The following POLN variants were observed in gnomAD, a reference collection of about 807,000 sequenced individuals.
POLN encodes DNA polymerase nu.
Under a neutral mutation model 113.5 loss-of-function variants are expected in POLN, and 108 were observed. The observed-to-expected ratio is 0.95, with a 90% CI of 0.81 to 1.12. The LOEUF (loss-of-function observed/expected upper bound fraction) is 1.12. Ranked by LOEUF, POLN falls within the 50% of genes most tolerant of loss-of-function variation. The pLI is 0.00. For missense variants in POLN, 1,097 were observed against 1,077.1 expected, an observed-to-expected ratio of 1.02 and a Z score of -0.26; for synonymous variants, 386 against 391.5, an observed-to-expected ratio of 0.99 and a Z score of 0.17.
intron 11 of POLN, 69 bp downstream of exon 11, chr4:2,173,886 G>T: frequency 7.1e-7 from 1 of 1,416,526 alleles, no homozygotes; most frequent in Non-Finnish European, 1.0e-6. Flanking sequence ...CTCTAGACCT[G>T]CCACTGGGAA....
chr4:2,189,330 T>A (rs1733375285), intron 7 of POLN, among the ~76,000 whole-genome samples: 1 of 152,234 alleles, frequency 6.6e-6, no homozygotes, highest in African/African-American at 2.4e-5. Flanking sequence ...AATGCAAGAA[T>A]TAATATTGTT....
At chr4:2,100,595 G>A (rs558602800) in intron 19 of POLN, among the ~76,000 whole-genome samples, 2 of 152,158 alleles carry the variant, frequency 1.3e-5, no homozygotes, top group South Asian at 2.1e-4. Context: ...CGGGAGGACT[G>A]GGGGGTGAAT....
chr4:2,160,385 T>C (rs1258980123), intron 13 of POLN, among the ~76,000 whole-genome samples: 3 of 152,154 alleles, frequency 2.0e-5, no homozygotes, highest in African/African-American at 7.2e-5. Flanking sequence ...ATATCTTCTC[T>C]CCTTCTGTGG....
At chr4:2,153,806 G>T (rs144055892) in intron 16 of POLN, among the ~76,000 whole-genome samples, 3 of 151,798 alleles carry the variant, frequency 2.0e-5, no homozygotes, top group Admixed American at 1.3e-4. Context: ...GAATGTTCTC[G>T]ATCTCCTGAC....
At chr4:2,139,970 T>C (rs539684762) in intron 16 of POLN, 1 of 152,216 alleles carries the variant, frequency 6.6e-6, no homozygotes, top group South Asian at 2.1e-4. Context: ...AACTTACGAG[T>C]GGCTGGGGTT....
intron 20 of POLN, among the ~76,000 whole-genome samples, chr4:2,092,923 A>T (rs2108697939): frequency 6.6e-6 from 1 of 152,342 alleles, no homozygotes; most frequent in Non-Finnish European, 1.5e-5. Context: ...ACAGCAGTGG[A>T]TACACAGTAA....
At chr4:2,188,889 T>G (rs1330710153) in intron 7 of POLN, among the ~76,000 whole-genome samples, 1 of 152,154 alleles carries the variant, frequency 6.6e-6, no homozygotes, top group Non-Finnish European at 1.5e-5. Flanking sequence ...GGGGGTGGAA[T>G]TAAAGTGTAA....
chr4:2,233,347 T>C (rs1734649693), intron 2 of POLN, among the ~76,000 whole-genome samples: 1 of 152,180 alleles, frequency 6.6e-6, no homozygotes, highest in Admixed American at 6.5e-5. Context: ...GATACGGCAT[T>C]TTATATCACA....
At chr4:2,202,723 C>CAAA (rs34712930) in intron 5 of POLN, among the ~76,000 whole-genome samples, 51 of 36,728 alleles carry the variant, frequency 1.4e-3, no homozygotes, top group African/African-American at 2.3e-3. Flanking sequence ...GACTCTGTCT[C>CAAA]AAAAAAAAAA....
chr4:2,090,112 T>C (rs1301872820), intron 20 of POLN: 5 of 963,600 alleles, frequency 5.2e-6, no homozygotes, highest in African/African-American at 1.7e-5. Flanking sequence ...ATAATCCAAA[T>C]GATTTGCTAA....
intron 20 of POLN, among the ~76,000 whole-genome samples, chr4:2,088,346 G>A (rs568558172): frequency 1.3e-5 from 2 of 152,164 alleles, no homozygotes; most frequent in South Asian, 2.1e-4. Flanking sequence ...TCCAAGTGCT[G>A]GCATTTTCGT....
chr4:2,240,748 A>G, intron 2 of POLN: 1 of 1,613,988 alleles, frequency 6.2e-7, no homozygotes, highest in Non-Finnish European at 8.5e-7. Context: ...GGCTTGCCTG[A>G]TTTCTGAAGA....
chr4:2,189,142 A>C (rs548729742), intron 7 of POLN, among the ~76,000 whole-genome samples: 46 of 152,352 alleles, frequency 3.0e-4, no homozygotes, highest in Non-Finnish European at 5.4e-4. Flanking sequence ...CTTAACCACA[A>C]GTAACAAAAT....
At position 2,207,794 on chromosome 4, in the gene POLN, C is replaced by T. The variant is rs574863889; in HGVS notation, c.714+193G>A. On this transcript the variant is annotated intron_variant, in intron 5 of 25. Transcript: ENST00000511885. ...ACTGCTGGTGGAAGGTAAAATGGTACACCCACTCTGGAAAACAGTTTTACA... is the reference window on the plus strand; with the variant it reads ...ACTGCTGGTGGAAGGTAAAATGGTATACCCACTCTGGAAAACAGTTTTACA... 2.6e-5 allele frequency among the ~76,000 whole-genome samples: 4 copies of T among 152,330 alleles called. No individual in the cohort carries two copies. The East Asian group carries it at 7.7e-4, about 29-fold the overall frequency.
intron 7 of POLN, among the ~76,000 whole-genome samples, chr4:2,189,378 G>A (rs1733376732): frequency 1.3e-5 from 2 of 152,200 alleles, no homozygotes; most frequent in African/African-American, 4.8e-5. Context: ...AGTGGCTCAC[G>A]CCTGTAATCC....
At chr4:2,155,500 C>T (rs1298835538) in intron 16 of POLN, among the ~76,000 whole-genome samples, 1 of 152,174 alleles carries the variant, frequency 6.6e-6, no homozygotes, top group Non-Finnish European at 1.5e-5. Flanking sequence ...TGTCCCTCTG[C>T]CTGCATGCAC....
chr4:2,095,218 A>C (rs530107948), intron 20 of POLN, among the ~76,000 whole-genome samples: 9 of 152,252 alleles, frequency 5.9e-5, no homozygotes, highest in Non-Finnish European at 1.0e-4. Context: ...AGAGGAGCAG[A>C]AACAGGAAGG....
At chr4:2,080,291 A>G (rs1730374568) in intron 23 of POLN, 1 of 993,086 alleles carries the variant, frequency 1.0e-6, no homozygotes, top group Non-Finnish European at 1.2e-6. Flanking sequence ...ACTCTTGAGG[A>G]ATGTGCCCTG....
At chr4:2,135,092 T>C (rs760534403) in intron 16 of POLN, among the ~76,000 whole-genome samples, 3 of 152,192 alleles carry the variant, frequency 2.0e-5, no homozygotes, top group Non-Finnish European at 4.4e-5. Flanking sequence ...TTATTGTCTG[T>C]CATGACGTGT....
Sources: allele counts gnomAD v4.1 joint callset (sites outside exome capture counted in the v4.1 genomes callset), GRCh38; gene constraint gnomAD v4.1.1; transcripts MANE v1.5; gene names NCBI Gene and HGNC (gene_info 2026-07-23, HGNC 2026-07-21).